SH2B2: variants seen among roughly 807,000 people sequenced by gnomAD.
SH2B2 encodes SH2B adaptor protein 2, also known as SH2B adapter protein 2.
SH2B2 carries 37 observed loss-of-function variants against 35.7 expected under a neutral mutation model. That is an observed-to-expected ratio of 1.04 (90% CI 0.80 to 1.36). The LOEUF (loss-of-function observed/expected upper bound fraction) is 1.36, where lower values mean the gene tolerates loss of function less well. SH2B2 is among the 40% of genes most tolerant of loss of function. The pLI is 0.00. For synonymous variants in SH2B2, 383 were observed against 376.4 expected (o/e 1.02, Z -0.20); for missense variants, 852 against 817.7 (o/e 1.04, Z -0.51).
intron 4 of SH2B2, chr7:102,309,187 C>T (rs1215763768): frequency 8.8e-6 from 5 of 565,120 alleles, no homozygotes; most frequent in African/African-American, 7.4e-5. Flanking sequence ...CCTCAGAGCA[C>T]TGGGAGTTGG....
chr7:102,319,887 C>T (rs1266625029), intron 7 of SH2B2, among the ~76,000 whole-genome samples: 4 of 152,046 alleles, frequency 2.6e-5, no homozygotes, highest in Non-Finnish European at 5.9e-5. Context: ...CGGGTTTTGG[C>T]TCTGCAGGGA....
chr7:102,301,350 C>G (rs1241457074), intron 2 of SH2B2, 71 bp downstream of exon 2: 1 of 1,500,132 alleles, frequency 6.7e-7, no homozygotes. Context: ...CTGAGGGTGC[C>G]AGGGACTGCC....
In SH2B2 at chr7:102,319,940, A is replaced by G. The variant is rs571799319; in HGVS notation, c.1396-391A>G. ...GCCTCCTGGGCTGGGGGAACCACCC[A>G]AACAGGAGTTTTCTTCCCTGCTCTG... On this transcript the variant is annotated intron_variant, in intron 7 of 8. Transcript: ENST00000444095. Among the ~76,000 whole-genome samples the G allele has an allele frequency of 1.2e-4, 18 of 152,114 alleles. 1 individual carries two copies. The South Asian group carries it at 3.5e-3, about 30-fold the overall frequency.
upstream of SH2B2, among the ~76,000 whole-genome samples, chr7:102,286,627 T>TA (rs1792454672): frequency 6.6e-6 from 1 of 151,568 alleles, no homozygotes; most frequent in Admixed American, 6.5e-5. Flanking sequence ...AGCCGGCTCC[T>TA]AACCCCTCTC....
intron 8 of SH2B2, among the ~76,000 whole-genome samples, chr7:102,320,931 G>T (rs185544717): frequency 3.9e-5 from 6 of 152,304 alleles, no homozygotes; most frequent in Admixed American, 1.3e-4. Flanking sequence ...GTGCATGAGT[G>T]TATGTGTGCA....
At position 102,314,586 on chromosome 7, in the gene SH2B2, G is replaced by C; in HGVS notation, c.1090G>C (p.Asp364His). ...VVTAPHSRGR[D>H]AVRESLIHVP... ...GACAGCCCCCCACAGCCGAGGTCGA[G>C]ATGCCGTCAGAGAATCCCTGATCCA... The change falls in exon 6 of 9, where the codon GAT becomes CAT. Residue 364 changes from aspartate to histidine, a missense_variant. This residue lies in a region of SH2B2 where 556 missense variants were observed against 514.5 expected (regional missense o/e 1.08). Transcript: ENST00000444095. 1 of 398,572 alleles carries C rather than the reference G, an allele frequency of 2.5e-6. No individual in the cohort carries two copies. Among genetic ancestry groups the C allele is most frequent in the East Asian group, 3.6e-5 (1 of 28,074 alleles). The allele number at this position is 398,572 out of a possible 1,614,324, so 24.7% of individuals were successfully genotyped here. A position where few individuals can be genotyped will look rare whatever the true frequency, so the allele number is the denominator to read the frequency against.
upstream of SH2B2, among the ~76,000 whole-genome samples, chr7:102,286,316 G>A (rs945401785): frequency 2.6e-5 from 4 of 152,202 alleles, no homozygotes; most frequent in African/African-American, 4.8e-5. Flanking sequence ...TGAGAACCAG[G>A]CGTCGACTTC....
At chr7:102,298,828 A>C (rs536534063) in intron 1 of SH2B2, among the ~76,000 whole-genome samples, 241 of 152,102 alleles carry the variant, frequency 1.6e-3, no homozygotes, top group African/African-American at 4.8e-3. Flanking sequence ...TTGGCCTCCC[A>C]AAGTGCTGGA....
rs932604564 is a variant in SH2B2 at position 102,307,670 on chromosome 7, G to T, written c.831+848G>T. 3.9e-5 allele frequency among the ~76,000 whole-genome samples: 6 copies of T among 152,116 alleles called. No homozygotes were observed. The South Asian group carries it at 1.2e-3, about 32-fold the overall frequency. Reference sequence around the variant, plus strand: ...AGCCTTGAGGCAGAGGGGCTCACCTGCCTCAGTTTCCCCATCTGTTCAGAG... The same window carrying T: ...AGCCTTGAGGCAGAGGGGCTCACCTTCCTCAGTTTCCCCATCTGTTCAGAG... On this transcript the variant is annotated intron_variant, in intron 3 of 8. Transcript: ENST00000444095.
At chr7:102,312,663 C>T (rs1793670798) in intron 4 of SH2B2, among the ~76,000 whole-genome samples, 1 of 151,998 alleles carries the variant, frequency 6.6e-6, no homozygotes, top group African/African-American at 2.4e-5. Flanking sequence ...TTCTTGCTTT[C>T]CTTTCCTTCT....
intron 4 of SH2B2, among the ~76,000 whole-genome samples, chr7:102,309,929 C>T (rs1396913123): frequency 3.3e-5 from 5 of 152,094 alleles, no homozygotes; most frequent in African/African-American, 1.2e-4. Flanking sequence ...CACTTGAGCC[C>T]AGGAGTTGGA....
chr7:102,294,494 C>T (rs1222249688), intron 1 of SH2B2, among the ~76,000 whole-genome samples: 1 of 152,184 alleles, frequency 6.6e-6, no homozygotes, highest in Non-Finnish European at 1.5e-5. Flanking sequence ...GACACCACCT[C>T]CTGTGCCATC....
chr7:102,291,043 C>T (rs1410595289), intron 1 of SH2B2, among the ~76,000 whole-genome samples: 2 of 152,228 alleles, frequency 1.3e-5, no homozygotes, highest in African/African-American at 4.8e-5. Context: ...GGGATCCAAA[C>T]CCAGACAGTC....
rs1224197567 is a variant in SH2B2 at position 102,314,380 on chromosome 7, G to A, written c.968G>A (p.Cys323Tyr). 7 of 398,660 alleles carry A rather than the reference G, an allele frequency of 1.8e-5. No individual in the cohort carries two copies. Among genetic ancestry groups the A allele is most frequent in the African/African-American group, 1.2e-4 (6 of 48,624 alleles). 24.7% of individuals were successfully genotyped at this position (398,660 alleles called of 1,614,324 possible). A position where few individuals can be genotyped will look rare whatever the true frequency, so the allele number is the denominator to read the frequency against. Residue 323 changes from cysteine to tyrosine, a missense_variant, in exon 5 of 9, where the codon TGT becomes TAT. Physicochemically the swap from Cys to Tyr is radical, Grantham distance 194 (BLOSUM62 -2). Around this residue, in one of 3 missense-constraint regions of SH2B2, gnomAD observed 556 missense variants for 514.5 expected, o/e 1.08. Transcript: ENST00000444095. ...DTELSCTRGGCLASRVASCSC... is the reference protein window; with the variant it reads ...DTELSCTRGGYLASRVASCSC... The stretch of plus-strand genomic sequence containing the variant: ...GAGCTCTCCTGTACCCGAGGAGGCT[G>A]TCTGGCCAGCCGCGTGGCCTCCTGC...
intron 1 of SH2B2, among the ~76,000 whole-genome samples, chr7:102,290,451 G>T (rs1792633775): frequency 6.6e-6 from 1 of 152,232 alleles, no homozygotes; most frequent in South Asian, 2.1e-4. Flanking sequence ...TTTTAGTAGA[G>T]ATGGGGTTTC....
chr7:102,315,950 T>A (rs969063102), intron 6 of SH2B2, among the ~76,000 whole-genome samples: 1 of 151,912 alleles, frequency 6.6e-6, no homozygotes, highest in Admixed American at 6.6e-5. Flanking sequence ...CCTCATAGAC[T>A]TCACCAGTGG....
chr7:102,301,128 A>G lies in SH2B2; in HGVS notation c.578A>G (p.Asp193Gly), dbSNP rs1554553741. 2.0e-6 allele frequency: 3 copies of G among 1,499,566 alleles called. No individual in the cohort carries two copies. The highest frequency in any genetic ancestry group is 2.7e-5 in the East Asian group (1 of 37,622). The allele number at this position is 1,499,566 out of a possible 1,614,324, so 92.9% of individuals were successfully genotyped here. The change falls in exon 2 of 9, where the codon GAC (aspartate) becomes GGC (glycine). Residue 193 changes from aspartate (D) to glycine (G), a missense_variant. Asp to Gly is a moderately conservative substitution (Grantham distance 94). Coordinates refer to ENST00000444095, the MANE Select transcript of SH2B2 (RefSeq NM_001359228.2). Reference sequence around the variant, plus strand: ...CTGGCTGCCAAGGTGGAGCTGGTGGACATTCAACGCGAGGGGGCGCTGCGC... The same window carrying G: ...CTGGCTGCCAAGGTGGAGCTGGTGGGCATTCAACGCGAGGGGGCGCTGCGC... ...RTLAAKVELV[D>G]IQREGALRFM... is the part of the protein sequence containing the mutation.
intron 1 of SH2B2, among the ~76,000 whole-genome samples, chr7:102,294,298 G>T (rs1792817579): frequency 1.3e-5 from 2 of 152,190 alleles, no homozygotes; most frequent in South Asian, 4.1e-4. Flanking sequence ...AAAGTGCTGG[G>T]ATTACAGGCT....
At position 102,320,476 on chromosome 7, in the gene SH2B2, A is replaced by G. The variant is rs1794013303; in HGVS notation, c.1541A>G (p.Tyr514Cys). The change falls in exon 8 of 9, where the codon TAT becomes TGT. Residue 514 changes from tyrosine (Y) to cysteine (C), a missense_variant. Tyr to Cys is a radical substitution (Grantham distance 194). Transcript: ENST00000444095. ...GGSADITLRSYVRAQDPPPEP... is the reference protein window; with the variant it reads ...GGSADITLRSCVRAQDPPPEP... ...TCGGCCGACATCACCCTTCGCAGCT[A>G]TGTGCGGGCCCAGGACCCCCCACCA... 1 of 1,613,608 alleles carries G rather than the reference A, an allele frequency of 6.2e-7. No homozygotes were observed. The highest frequency in any genetic ancestry group is 8.5e-7 in the Non-Finnish European group (1 of 1,179,826).
Sources: allele counts gnomAD v4.1 joint callset (sites outside exome capture counted in the v4.1 genomes callset), GRCh38; gene constraint gnomAD v4.1.1; regional missense constraint gnomAD v4.1.1; transcripts MANE v1.5; gene names NCBI Gene and HGNC (gene_info 2026-07-23, HGNC 2026-07-21).